Variants in RIMBP2 observed in about 807,000 individuals in gnomAD.
The protein encoded by RIMBP2 is RIMS-binding protein 2.
A neutral mutation model predicts 118.6 loss-of-function variants in RIMBP2; 48 were observed. That is an observed-to-expected ratio of 0.40 (90% CI 0.32 to 0.51). RIMBP2 has a LOEUF of 0.51. Ranked by LOEUF, RIMBP2 falls within the 20% of genes least tolerant of loss-of-function variation. The pLI, the probability that RIMBP2 is intolerant of heterozygous loss-of-function variation, is 0.41. For missense variants in RIMBP2, 1,551 were observed against 1,768.3 expected (o/e 0.88, Z 2.20); for synonymous variants, 762 against 742.9 (o/e 1.03, Z -0.42).
At chr12:130,465,494 C>G (rs1472307844) in intron 6 of RIMBP2, 1 of 152,472 alleles carries the variant, frequency 6.6e-6, no homozygotes, top group African/African-American at 2.4e-5. Flanking sequence ...GACAAGCACA[C>G]CAGCCCCTAG....
intron 17 of RIMBP2, chr12:130,414,820 T>C (rs1221931728): frequency 6.5e-6 from 1 of 153,168 alleles, no homozygotes; most frequent in African/African-American, 2.4e-5. Flanking sequence ...CAACTCCATA[T>C]ACCACCCAGC....
chr12:130,634,942 A>T (rs2062255907), intron 1 of RIMBP2, among the ~76,000 whole-genome samples: 1 of 152,046 alleles, frequency 6.6e-6, no homozygotes, highest in Non-Finnish European at 1.5e-5. Flanking sequence ...CAGTAACAAC[A>T]GAGTCTCCAG....
chr12:130,709,907 G>C lies in RIMBP2; in HGVS notation c.-352+6315C>G, dbSNP rs569847744. Among the ~76,000 whole-genome samples, 9 of 152,262 alleles carry C rather than the reference G, an allele frequency of 5.9e-5. No individual in the cohort carries two copies. The South Asian group carries it at 1.9e-3, about 32-fold the overall frequency. ...CTTTCTTTTTGGTAGCACTGGGCAG[G>C]AGGGAGGCAGGGGAAGGAGCGCGGT... is the stretch of plus-strand genomic sequence containing the variant. On this transcript the variant is annotated intron_variant, in intron 1 of 22. Coordinates refer to ENST00000690449, the MANE Select transcript of RIMBP2 (RefSeq NM_001393629.1).
intron 2 of RIMBP2, among the ~76,000 whole-genome samples, chr12:130,562,880 G>A (rs956475427): frequency 2.6e-5 from 4 of 152,196 alleles, no homozygotes; most frequent in Non-Finnish European, 4.4e-5. Context: ...CAAGAGTGAA[G>A]GGAATTTGAA....
At chr12:130,607,565 T>C (rs150359759) in intron 2 of RIMBP2, among the ~76,000 whole-genome samples, 1 of 152,068 alleles carries the variant, frequency 6.6e-6, no homozygotes, top group East Asian at 1.9e-4. Context: ...GATCATCTCC[T>C]GTGAGTTTCT....
At position 130,710,058 on chromosome 12, in the gene RIMBP2, C is replaced by T. The variant is rs141479634; in HGVS notation, c.-352+6164G>A. ...GTTTCCGGGTATCCCTGGGAGCTCA[C>T]GGGTGGACACCGAGGGTCTCCAGGA... On this transcript the variant is annotated intron_variant, in intron 1 of 22. Transcript: ENST00000690449. The surrounding 1 kb of genome is among the most constrained non-coding windows in gnomAD (Gnocchi z 4.3). 3.2e-4 allele frequency among the ~76,000 whole-genome samples: 49 copies of T among 152,240 alleles called. No homozygotes were observed. Among genetic ancestry groups the T allele is most frequent in the African/African-American group, 1.1e-3 (45 of 41,546 alleles).
chr12:130,604,442 G>T (rs1197076770), intron 2 of RIMBP2, among the ~76,000 whole-genome samples: 14 of 149,016 alleles, frequency 9.4e-5, no homozygotes. Flanking sequence ...GTCGTGCAGT[G>T]GAACATCCTA....
intron 4 of RIMBP2, among the ~76,000 whole-genome samples, chr12:130,491,830 G>C (rs1421048712): frequency 2.0e-5 from 3 of 152,258 alleles, no homozygotes; most frequent in Non-Finnish European, 4.4e-5. Context: ...CTGCCTGTCT[G>C]AAACGCTCTG....
intron 2 of RIMBP2, among the ~76,000 whole-genome samples, chr12:130,596,721 A>C (rs1415895716): frequency 6.6e-6 from 1 of 152,214 alleles, no homozygotes; most frequent in East Asian, 1.9e-4. Flanking sequence ...AGAGCCCCTA[A>C]CAGCCCCACT....
At chr12:130,600,758 G>C (rs955034842) in intron 2 of RIMBP2, among the ~76,000 whole-genome samples, 5 of 152,188 alleles carry the variant, frequency 3.3e-5, no homozygotes, top group South Asian at 2.1e-4. Flanking sequence ...TGTACTCTTA[G>C]TCTGTAAGAC....
chr12:130,513,855 A>G (rs1471786288), intron 3 of RIMBP2, among the ~76,000 whole-genome samples: 3 of 152,238 alleles, frequency 2.0e-5, no homozygotes, highest in Admixed American at 2.0e-4. Flanking sequence ...GCATTTTGCA[A>G]TTCCAAGCAA....
At chr12:130,439,124 T>C (rs1461675144) in intron 11 of RIMBP2, among the ~76,000 whole-genome samples, 1 of 152,116 alleles carries the variant, frequency 6.6e-6, no homozygotes, top group African/African-American at 2.4e-5. Context: ...TGAGAATCCA[T>C]TTCTGCGTGT....
chr12:130,708,831 C>T (rs981946038), intron 1 of RIMBP2, among the ~76,000 whole-genome samples: 2 of 152,218 alleles, frequency 1.3e-5, no homozygotes, highest in South Asian at 2.1e-4. Flanking sequence ...GACCCAGAAC[C>T]GGCTCCGCCC....
intron 2 of RIMBP2, among the ~76,000 whole-genome samples, chr12:130,624,495 T>C (rs1163803860): frequency 1.3e-5 from 2 of 151,730 alleles, no homozygotes; most frequent in African/African-American, 4.8e-5. Flanking sequence ...GATTTGTGTA[T>C]GCGTGGGGAA....
chr12:130,715,158 G>T (rs1950239359), intron 1 of RIMBP2, among the ~76,000 whole-genome samples: 2 of 152,234 alleles, frequency 1.3e-5, no homozygotes, highest in Admixed American at 6.5e-5. Context: ...ACGAAGTGGG[G>T]TTTTCACCCT....
At chr12:130,624,624 T>C (rs931432859) in intron 2 of RIMBP2, among the ~76,000 whole-genome samples, 1 of 152,268 alleles carries the variant, frequency 6.6e-6, no homozygotes, top group Non-Finnish European at 1.5e-5. Context: ...CTCTGTGAGA[T>C]GTGACTTTTT....
At chr12:130,579,150 G>A (rs1485612181) in intron 2 of RIMBP2, among the ~76,000 whole-genome samples, 3 of 152,118 alleles carry the variant, frequency 2.0e-5, no homozygotes, top group Non-Finnish European at 4.4e-5. Context: ...TCTGAGCCCC[G>A]CTTTTGAGGA....
intron 3 of RIMBP2, among the ~76,000 whole-genome samples, chr12:130,507,755 AC>A (rs2050505265): frequency 6.6e-6 from 1 of 152,188 alleles, no homozygotes; most frequent in African/African-American, 2.4e-5. Context: ...TTTTAACCCA[AC>A]GGCAGCCTTG....
intron 10 of RIMBP2, among the ~76,000 whole-genome samples, chr12:130,444,275 C>CGAGTGGTGAGT (rs1422376692): frequency 6.6e-6 from 1 of 152,076 alleles, no homozygotes; most frequent in Non-Finnish European, 1.5e-5. Flanking sequence ...GAGTGGTGAG[C>CGAGTGGTGAGT]GAGTGGTGAG....
Sources: gnomAD v4.1 joint callset for allele counts (sites outside exome capture counted in the v4.1 genomes callset) on GRCh38, gnomAD v4.1.1 for gene constraint, Gnocchi (gnomAD v3.1) non-coding constraint, MANE v1.5 for transcripts, NCBI Gene and HGNC (gene_info 2026-07-23, HGNC 2026-07-21) for gene names.